CNTN6: variants seen among roughly 807,000 people sequenced by gnomAD.
CNTN6 encodes the protein contactin-6.
CNTN6 carries 137 observed loss-of-function variants against 122.8 expected under a neutral mutation model. That is an observed-to-expected ratio of 1.12 (90% CI 0.97 to 1.29). The LOEUF (loss-of-function observed/expected upper bound fraction) is 1.29, where lower values mean the gene tolerates loss of function less well. CNTN6 is among the 50% of genes most tolerant of loss of function. CNTN6 has a pLI of 0.00. For synonymous variants in CNTN6, 570 were observed against 426.0 expected (o/e 1.34, Z -4.16); for missense variants, 1,634 against 1,223.4 (o/e 1.34, Z -5.01).
chr3:1,372,777 A>G lies in CNTN6; in HGVS notation c.1669-61A>G, dbSNP rs1408595357. The G allele has an allele frequency of 3.0e-6, 3 of 991,650 alleles. 1 individual carries two copies. The highest frequency in any genetic ancestry group is 1.5e-6 in the Non-Finnish European group (1 of 651,576). 61.4% of individuals were successfully genotyped at this position (991,650 alleles called of 1,614,324 possible). The stretch of plus-strand genomic sequence containing the variant: ...GTTTCGTATTTATCCAGCTGTAACA[A>G]TAAAGTAGGACTTGTTATATGGGCT... On this transcript the variant is annotated intron_variant, in intron 13 of 22. Transcript: ENST00000446702.
chr3:1,293,613 C>T (rs889108647), intron 5 of CNTN6, among the ~76,000 whole-genome samples: 5 of 152,150 alleles, frequency 3.3e-5, no homozygotes, highest in Admixed American at 2.6e-4. Context: ...CAAATAGCAA[C>T]TCAGCTCTCT....
At chr3:1,289,738 G>T (rs1472653488) in intron 5 of CNTN6, among the ~76,000 whole-genome samples, 3 of 149,066 alleles carry the variant, frequency 2.0e-5, no homozygotes. Flanking sequence ...GCAGGGGCGC[G>T]ATCTCAGCTC....
intron 7 of CNTN6, among the ~76,000 whole-genome samples, chr3:1,306,932 C>T (rs1698455449): frequency 6.6e-6 from 1 of 152,166 alleles, no homozygotes; most frequent in South Asian, 2.1e-4. Flanking sequence ...TCCTCACTCA[C>T]TCATTTGACA....
rs140404584 is a variant in CNTN6 at position 1,244,814 on chromosome 3, G to A, written c.358+16821G>A. ...AAAGGGGGTTGTTCTCTGGTGGGCAGGGGTGGATCTCACAAAGTACATTCT... is the reference window on the plus strand; with the variant it reads ...AAAGGGGGTTGTTCTCTGGTGGGCAAGGGTGGATCTCACAAAGTACATTCT... On this transcript the variant is annotated intron_variant, in intron 4 of 22. Transcript: ENST00000446702. Among the ~76,000 whole-genome samples, 26 of 151,752 alleles carry A rather than the reference G, an allele frequency of 1.7e-4. No homozygotes were observed. In the East Asian group the frequency reaches 4.9e-3, roughly 29 times the overall value.
In CNTN6 at chr3:1,282,207, C is replaced by A. The variant is rs116635414; in HGVS notation, c.454+3699C>A. On this transcript the variant is annotated intron_variant, in intron 5 of 22. Coordinates refer to ENST00000446702, the MANE Select transcript of CNTN6 (RefSeq NM_001289080.2). ...AAACAGGTACTTTTATAGAGCTGTC[C>A]TTTCTTCTGCGTAAACGAAAGGAGG... Among the ~76,000 whole-genome samples, 704 of 152,258 alleles carry A rather than the reference C, an allele frequency of 4.6e-3. 1 individual carries two copies. The highest frequency in any genetic ancestry group is 0.016 in the African/African-American group (671 of 41,546).
intron 2 of CNTN6, among the ~76,000 whole-genome samples, chr3:1,197,826 A>C (rs2093800249): frequency 6.6e-6 from 1 of 152,204 alleles, no homozygotes; most frequent in Non-Finnish European, 1.5e-5. Context: ...AAGATTTTAT[A>C]AACTATCTCA....
intron 2 of CNTN6, among the ~76,000 whole-genome samples, chr3:1,207,266 A>C (rs1308675425): frequency 6.6e-6 from 1 of 152,108 alleles, no homozygotes; most frequent in Non-Finnish European, 1.5e-5. Context: ...TGAATACCTG[A>C]TACTCATTCA....
intron 1 of CNTN6, among the ~76,000 whole-genome samples, chr3:1,100,352 T>C (rs1367293998): frequency 4.6e-5 from 7 of 152,300 alleles, no homozygotes; most frequent in Non-Finnish European, 1.0e-4. Flanking sequence ...TGGAATATAA[T>C]TTTGCTCATG....
chr3:1,195,209 T>C (rs2093759154), intron 2 of CNTN6, among the ~76,000 whole-genome samples: 1 of 152,172 alleles, frequency 6.6e-6, no homozygotes, highest in Admixed American at 6.5e-5. Flanking sequence ...TGGAAACCTC[T>C]ATACAGGCTC....
At chr3:1,157,625 A>G in intron 2 of CNTN6, among the ~76,000 whole-genome samples, 1 of 152,036 alleles carries the variant, frequency 6.6e-6, no homozygotes, top group Non-Finnish European at 1.5e-5. Flanking sequence ...CTCATTAACC[A>G]TCCCCACCTG....
chr3:1,361,867 C>A (rs1465989863), intron 12 of CNTN6, among the ~76,000 whole-genome samples: 1 of 152,110 alleles, frequency 6.6e-6, no homozygotes, highest in East Asian at 1.9e-4. Flanking sequence ...GCCCCACATT[C>A]CCTGCTGTTT....
chr3:1,200,185 C>T (rs2093841763), intron 2 of CNTN6, among the ~76,000 whole-genome samples: 1 of 152,164 alleles, frequency 6.6e-6, no homozygotes, highest in East Asian at 1.9e-4. Context: ...AAGTGTGTGC[C>T]ACCACGCCTG....
intron 1 of CNTN6, among the ~76,000 whole-genome samples, chr3:1,129,700 G>GTA (rs1159303328): frequency 6.6e-6 from 1 of 151,992 alleles, no homozygotes; most frequent in East Asian, 1.9e-4. Flanking sequence ...GTCAATGTTG[G>GTA]TATATCCAAC....
At chr3:1,163,452 G>C (rs946604961) in intron 2 of CNTN6, among the ~76,000 whole-genome samples, 1 of 152,158 alleles carries the variant, frequency 6.6e-6, no homozygotes, top group Admixed American at 6.5e-5. Context: ...GGTTCTGCCA[G>C]TCAGGCTGGA....
At chr3:1,098,789 C>CACACATATAT (rs1211008614) in intron 1 of CNTN6, among the ~76,000 whole-genome samples, 71 of 63,230 alleles carry the variant, frequency 1.1e-3, no homozygotes, top group Non-Finnish European at 1.4e-3. Flanking sequence ...CACACACACA[C>CACACATATAT]ATATATATAT....
At chr3:1,338,474 G>T (rs1232511385) in intron 11 of CNTN6, among the ~76,000 whole-genome samples, 2 of 152,070 alleles carry the variant, frequency 1.3e-5, no homozygotes, top group Admixed American at 6.6e-5. Context: ...CTGGTTTGGT[G>T]CACACATATC....
At chr3:1,146,368 T>A (rs1173311523) in intron 1 of CNTN6, among the ~76,000 whole-genome samples, 1 of 152,048 alleles carries the variant, frequency 6.6e-6, no homozygotes, top group Non-Finnish European at 1.5e-5. Flanking sequence ...GAGCCCACTG[T>A]CTCTCTTTTG....
At chr3:1,384,843 C>G (rs1355396371) in intron 19 of CNTN6, among the ~76,000 whole-genome samples, 1 of 146,656 alleles carries the variant, frequency 6.8e-6, no homozygotes, top group Non-Finnish European at 1.5e-5. Flanking sequence ...CCATAATCCT[C>G]TGATTCCAAC....
At chr3:1,175,082 A>G (rs1469109326) in intron 2 of CNTN6, among the ~76,000 whole-genome samples, 2 of 151,744 alleles carry the variant, frequency 1.3e-5, no homozygotes, top group African/African-American at 4.8e-5. Context: ...AAAAACACAA[A>G]ATTTGGCCAG....
Sources: gnomAD v4.1 joint callset for allele counts (sites outside exome capture counted in the v4.1 genomes callset) on GRCh38, gnomAD v4.1.1 for gene constraint, MANE v1.5 for transcripts, NCBI Gene and HGNC (gene_info 2026-07-23, HGNC 2026-07-21) for gene names.